ERO1A: variants seen among roughly 807,000 people sequenced by gnomAD.
ERO1A encodes endoplasmic reticulum oxidoreductase 1 alpha, also known as ERO1-like protein alpha.
Under a neutral mutation model 76.9 loss-of-function variants are expected in ERO1A, and 49 were observed. That is an observed-to-expected ratio of 0.64 (90% CI 0.51 to 0.81). The LOEUF (loss-of-function observed/expected upper bound fraction) is 0.81, where lower values mean the gene tolerates loss of function less well. Ranked by LOEUF, ERO1A falls within the 30% of genes least tolerant of loss-of-function variation. The probability of loss-of-function intolerance (pLI) is 0.00; values close to 1 mark genes in which losing one functional copy is unlikely to be tolerated. For synonymous variants in ERO1A, 174 were observed against 181.2 expected, an observed-to-expected ratio of 0.96 and a Z score of 0.32; for missense variants, 448 against 542.1, an observed-to-expected ratio of 0.83 and a Z score of 1.72.
chr14:52,663,855 TA>T lies in ERO1A; in HGVS notation c.630-9del. The T allele has an allele frequency of 6.7e-7, 1 of 1,482,788 alleles. No homozygotes were observed. The allele number at this position is 1,482,788 out of a possible 1,614,324, so 91.9% of individuals were successfully genotyped here. On this transcript the variant is annotated splice_polypyrimidine_tract_variant and intron_variant, in intron 7 of 15. Coordinates refer to ENST00000395686, the MANE Select transcript of ERO1A (RefSeq NM_014584.3). Reference sequence around the variant, plus strand: ...CTTTTAATTGTCTGTGGCCTAGAAGTAAAAAGAATTAAAAATATCAACACAA... The same window carrying T: ...CTTTTAATTGTCTGTGGCCTAGAAGTAAAAGAATTAAAAATATCAACACAA...
At chr14:52,665,230 A>G (rs555270915) in intron 7 of ERO1A, among the ~76,000 whole-genome samples, 1 of 145,640 alleles carries the variant, frequency 6.9e-6, no homozygotes, top group South Asian at 2.3e-4. Context: ...TGAACCTGGG[A>G]GGCAGAGGTT....
At chr14:52,645,707 C>CA (rs929554946) in intron 15 of ERO1A, among the ~76,000 whole-genome samples, 1 of 151,098 alleles carries the variant, frequency 6.6e-6, no homozygotes, top group African/African-American at 2.4e-5. Flanking sequence ...ATGATTTCTT[C>CA]AAAAAAAATA....
At chr14:52,651,106 CAAAA>C (rs5808681) in intron 13 of ERO1A, among the ~76,000 whole-genome samples, 3 of 102,334 alleles carry the variant, frequency 2.9e-5, no homozygotes, top group African/African-American at 3.8e-5. Context: ...CTGTTTCTAC[CAAAA>C]AAAAAAAAAA....
intron 13 of ERO1A, among the ~76,000 whole-genome samples, chr14:52,648,211 T>C (rs1176797223): frequency 1.3e-5 from 2 of 152,086 alleles, no homozygotes; most frequent in African/African-American, 2.4e-5. Context: ...TATGACCACA[T>C]GACATCCAAG....
In ERO1A at chr14:52,645,184, GA is replaced by G. The variant is rs201793847; in HGVS notation, c.1346+969del. Reference sequence around the variant, plus strand: ...CAACATGATTTTTCTACCACTATCAGAAAAATAATTGGATAAAAAAACTGCT... The same window carrying G: ...CAACATGATTTTTCTACCACTATCAGAAAATAATTGGATAAAAAAACTGCT... On this transcript the variant is annotated intron_variant, in intron 15 of 15. Transcript: ENST00000395686. Among the ~76,000 whole-genome samples the G allele has an allele frequency of 9.5e-3, 1,426 of 150,474 alleles. 40 individuals are homozygous for G. The highest frequency in any genetic ancestry group is 0.053 in the East Asian group (272 of 5,136).
rs2041079722 is a variant in ERO1A at position 52,683,792 on chromosome 14, T to C, written c.230A>G (p.Tyr77Cys). The change falls in exon 2 of 16, where the codon TAC becomes TGC. Residue 77 changes from tyrosine to cysteine, a missense_variant. By Grantham distance (194) the Tyr-to-Cys change is radical. Transcript: ENST00000395686. ...KLLESDYFRY[Y>C]KVNLKRPCPF... The stretch of plus-strand genomic sequence containing the variant: ...AAAAATTAAAATTAAAAATACCTTG[T>C]AATACCTAAAGTAGTCACTTTCAAG... 1.4e-6 allele frequency: 2 copies of C among 1,394,582 alleles called. No individual in the cohort carries two copies. The highest frequency in any genetic ancestry group is 2.9e-5 in the South Asian group (2 of 68,196). 86.4% of individuals were successfully genotyped at this position (1,394,582 alleles called of 1,614,324 possible). A position where few individuals can be genotyped will look rare whatever the true frequency, so the allele number is the denominator to read the frequency against.
At chr14:52,673,407 A>G in intron 4 of ERO1A, among the ~76,000 whole-genome samples, 1 of 152,180 alleles carries the variant, frequency 6.6e-6, no homozygotes, top group Non-Finnish European at 1.5e-5. Context: ...CATAATTGCA[A>G]TTTGCTAAAC....
Position 52,646,439 on chromosome 14 carries a change from C to A in ERO1A, c.1148G>T (p.Arg383Ile). ...ACAATCCATAATTCTTGAAATATTT[C>A]TAAAATGCAGTCGAAAGTCCTCCTG... ...KLKEDFRLHF[R>I]NISRIMDCVG... The change falls in exon 14 of 16, where the codon AGA becomes ATA. Residue 383 changes from arginine (R) to isoleucine (I), a missense_variant. By Grantham distance (97) the Arg-to-Ile change is moderately conservative. Coordinates refer to ENST00000395686, the MANE Select transcript of ERO1A (RefSeq NM_014584.3). 5 of 1,612,350 alleles carry A rather than the reference C, an allele frequency of 3.1e-6. No individual in the cohort carries two copies. The highest frequency in any genetic ancestry group is 3.4e-6 in the Non-Finnish European group (4 of 1,179,480).
chr14:52,667,935 T>A (rs2040465060), intron 6 of ERO1A, among the ~76,000 whole-genome samples: 1 of 149,906 alleles, frequency 6.7e-6, no homozygotes, highest in Non-Finnish European at 1.5e-5. Flanking sequence ...TTTTTATTAT[T>A]AAAAAAAAAC....
At chr14:52,672,412 T>C (rs778887554) in intron 4 of ERO1A, among the ~76,000 whole-genome samples, 2 of 152,210 alleles carry the variant, frequency 1.3e-5, no homozygotes, top group Non-Finnish European at 2.9e-5. Flanking sequence ...ATTTCTACAA[T>C]AAATATTTTA....
chr14:52,671,972 T>C lies in ERO1A; in HGVS notation c.358-101A>G, dbSNP rs182588093. The C allele has an allele frequency of 4.3e-4, 359 of 831,000 alleles. 1 individual carries two copies. The African/African-American group carries it at 5.8e-3, about 14-fold the overall frequency. 51.5% of individuals were successfully genotyped at this position (831,000 alleles called of 1,614,324 possible). ...GAAGCTCTTTTTATTTTTTTTATTT[T>C]TCCAATATGTTCTTATTGCTTTTAA... On this transcript the variant is annotated intron_variant, in intron 4 of 15. Coordinates refer to ENST00000395686, the MANE Select transcript of ERO1A (RefSeq NM_014584.3).
rs1424281722 is a variant in ERO1A at position 52,663,817 on chromosome 14, A to C, written c.660T>G (p.Pro220=). The C allele has an allele frequency of 6.4e-7, 1 of 1,571,746 alleles. No individual in the cohort carries two copies. Residue 220 remains proline, a synonymous_variant, in exon 8 of 16, where the codon CCT becomes CCG. Coordinates refer to ENST00000395686, the MANE Select transcript of ERO1A (RefSeq NM_014584.3). ...KPQTIKRPLN[P]LASGQGTSEE... ...GTAATTTACCTTGACCAGAAGCCAA[A>C]GGATTTAAAGGTCTTTTAATTGTCT...
chr14:52,658,992 A>G (rs1157347655), intron 9 of ERO1A, among the ~76,000 whole-genome samples: 3 of 152,190 alleles, frequency 2.0e-5, no homozygotes, highest in Non-Finnish European at 2.9e-5. Flanking sequence ...CATAAAAATA[A>G]TGGAAGGAAT....
At chr14:52,643,889 G>A (rs1297182420) in intron 15 of ERO1A, among the ~76,000 whole-genome samples, 5 of 152,132 alleles carry the variant, frequency 3.3e-5, no homozygotes, top group Admixed American at 6.6e-5. Flanking sequence ...TGTAATCCCA[G>A]TATTTTTTGA....
chr14:52,689,621 TA>T (rs879567938), intron 1 of ERO1A, among the ~76,000 whole-genome samples: 1 of 151,936 alleles, frequency 6.6e-6, no homozygotes, highest in Non-Finnish European at 1.5e-5. Context: ...AAGCAGTGAT[TA>T]AAAAAACTGA....
chr14:52,665,884 A>G, intron 7 of ERO1A, among the ~76,000 whole-genome samples: 1 of 152,272 alleles, frequency 6.6e-6, no homozygotes, highest in East Asian at 1.9e-4. Context: ...GAAAATGTAT[A>G]TAACATGCTT....
At chr14:52,695,183 CG>C (rs1383057276) in intron 1 of ERO1A, among the ~76,000 whole-genome samples, 184 bp downstream of exon 1, 2 of 152,164 alleles carry the variant, frequency 1.3e-5, no homozygotes, top group Non-Finnish European at 2.9e-5. Flanking sequence ...TCCAGGCTGC[CG>C]TGGAGGCCCG....
At chr14:52,671,991 C>CT (rs1275159263) in intron 4 of ERO1A, 120 bp from the exon 5 acceptor site, 9 of 751,718 alleles carry the variant, frequency 1.2e-5, no homozygotes, top group Non-Finnish European at 1.7e-5. Flanking sequence ...GTTCTTATTG[C>CT]TTTTAATTTT....
At chr14:52,653,039 T>A (rs2039926575) in intron 12 of ERO1A, 30 bp downstream of exon 12, 2 of 1,394,244 alleles carry the variant, frequency 1.4e-6, no homozygotes, top group African/African-American at 2.9e-5. Flanking sequence ...CACTCTTCTA[T>A]TAATGTATAA....
Sources: gnomAD v4.1 joint callset for allele counts (sites outside exome capture counted in the v4.1 genomes callset) on GRCh38, gnomAD v4.1.1 for gene constraint, MANE v1.5 for transcripts, NCBI Gene and HGNC (gene_info 2026-07-23, HGNC 2026-07-21) for gene names.